SYTL2: variants seen among roughly 807,000 people sequenced by gnomAD.
SYTL2 encodes synaptotagmin like 2, also known as synaptotagmin-like protein 2.
SYTL2 carries 165 observed loss-of-function variants against 198.7 expected under a neutral mutation model. That is an observed-to-expected ratio of 0.83 (90% CI 0.73 to 0.94). SYTL2 has a LOEUF of 0.94. Among genes scored for constraint, SYTL2 ranks in the 40% least tolerant of loss-of-function variants. The pLI, the probability that SYTL2 is intolerant of heterozygous loss-of-function variation, is 0.00. For synonymous variants in SYTL2, 966 were observed against 917.7 expected (o/e 1.05, Z -0.95); for missense variants, 2,835 against 2,582.8 (o/e 1.10, Z -2.12).
chr11:85,697,726 GTTTTCCCT>G (rs1048501892), intron 18 of SYTL2, among the ~76,000 whole-genome samples: 3 of 152,240 alleles, frequency 2.0e-5, no homozygotes, highest in Admixed American at 2.0e-4. Context: ...ACCAACAGAT[GTTTTCCCT>G]AGAACACATT....
chr11:85,745,956 G>A (rs911621547), intron 3 of SYTL2, among the ~76,000 whole-genome samples, 184 bp from the exon 4 acceptor site: 4 of 152,056 alleles, frequency 2.6e-5, no homozygotes, highest in Admixed American at 6.6e-5. Flanking sequence ...AAATTCCCAC[G>A]ACATTAGATT....
rs1411410257 is a variant in SYTL2, at chr11:85,727,407, G to A, written c.1951C>T (p.Gln651Ter). The A allele has an allele frequency of 2.0e-6, 3 of 1,536,256 alleles. No homozygotes were observed. The highest frequency in any genetic ancestry group is 2.6e-6 in the Non-Finnish European group (3 of 1,146,908). ...SQGSKNMDYS[Q>*]DSKSPGKGNG... is the part of the protein sequence containing the mutation. The stretch of plus-strand genomic sequence containing the variant: ...CCTTTTCCTGGGCTTTTTGAATCTT[G>A]GCTATAGTCCATATTTTTACTCCCT... Residue 651 changes from glutamine (Q) to a stop codon, truncating the protein, a stop_gained, in exon 8 of 20, where the codon CAA (glutamine) becomes TAA (stop). Coordinates refer to ENST00000359152, the MANE Select transcript of SYTL2 (RefSeq NM_206927.4). LOFTEE classifies it high-confidence loss of function.
the SYTL2 span, among the ~76,000 whole-genome samples, chr11:85,840,138 AT>A: frequency 1.3e-5 from 2 of 151,858 alleles, no homozygotes; most frequent in African/African-American, 4.8e-5. Flanking sequence ...AGATTATTAG[AT>A]TTTTTTTCCT....
the SYTL2 span, among the ~76,000 whole-genome samples, chr11:85,816,694 G>A: frequency 4.6e-5 from 7 of 152,144 alleles, no homozygotes; most frequent in African/African-American, 1.4e-4. Flanking sequence ...AAGAACGCTT[G>A]AGCACAGGAG....
At chr11:85,854,592 C>G in the SYTL2 span, 1 of 152,204 alleles carries the variant, frequency 6.6e-6, no homozygotes, top group Non-Finnish European at 1.5e-5. Context: ...ACCTGCCATT[C>G]TTATTAAGAG....
intron 14 of SYTL2, among the ~76,000 whole-genome samples, 167 bp downstream of exon 14, chr11:85,709,161 AATG>A (rs1417225044): frequency 6.6e-6 from 1 of 151,976 alleles, no homozygotes; most frequent in African/African-American, 2.4e-5. Flanking sequence ...TTTATAATTT[AATG>A]TTTGACATAT....
the SYTL2 span, chr11:85,852,902 C>G: frequency 2.1e-4 from 61 of 288,780 alleles, no homozygotes; most frequent in African/African-American, 1.4e-3. Context: ...CACCTCTGCC[C>G]GGCCGCGACC....
At chr11:85,847,928 C>G in the SYTL2 span, among the ~76,000 whole-genome samples, 1 of 152,084 alleles carries the variant, frequency 6.6e-6, no homozygotes, top group Admixed American at 6.6e-5. Context: ...TTTTCATCTT[C>G]TTAAAACTAA....
At chr11:85,795,623 T>TGAA (rs1487418981) in intron 1 of SYTL2, among the ~76,000 whole-genome samples, 8 of 152,208 alleles carry the variant, frequency 5.3e-5, no homozygotes, top group African/African-American at 1.9e-4. Flanking sequence ...TTTTCCAGGA[T>TGAA]GAAACTAACA....
the SYTL2 span, among the ~76,000 whole-genome samples, chr11:85,850,825 A>G: frequency 7.3e-5 from 11 of 149,970 alleles, no homozygotes. Flanking sequence ...GCACATATAC[A>G]CCATGGAATA....
chr11:85,789,362 A>ATATATATATATG (rs2092692876), intron 1 of SYTL2, among the ~76,000 whole-genome samples: 1 of 58,208 alleles, frequency 1.7e-5, no homozygotes, highest in African/African-American at 7.4e-5. Context: ...ATATATATAT[A>ATATATATATATG]TATATATATA....
intron 3 of SYTL2, among the ~76,000 whole-genome samples, chr11:85,747,545 CCT>C (rs1386088929): frequency 6.6e-6 from 1 of 152,084 alleles, no homozygotes; most frequent in Admixed American, 6.6e-5. Context: ...TTATTTCCCC[CCT>C]CTTTTGACTT....
intron 6 of SYTL2, 98 bp downstream of exon 6, chr11:85,736,403 T>C (rs2090338993): frequency 3.1e-6 from 2 of 650,974 alleles, no homozygotes; most frequent in Admixed American, 3.5e-5. Context: ...CTTTTCACTT[T>C]CTCTTGGAAG....
the SYTL2 span, among the ~76,000 whole-genome samples, chr11:85,847,764 A>G: frequency 6.6e-6 from 1 of 152,196 alleles, no homozygotes; most frequent in Non-Finnish European, 1.5e-5. Context: ...CCATGAATAT[A>G]TCTATTTTTT....
At chr11:85,712,221 A>G (rs2086425368) in intron 12 of SYTL2, among the ~76,000 whole-genome samples, 1 of 152,212 alleles carries the variant, frequency 6.6e-6, no homozygotes, top group Admixed American at 6.5e-5. Flanking sequence ...AAGCAAAATT[A>G]ATGCTTTACG....
intron 1 of SYTL2, among the ~76,000 whole-genome samples, chr11:85,788,178 C>A (rs2092668304): frequency 6.6e-6 from 1 of 152,154 alleles, no homozygotes. Flanking sequence ...GCATTTTGAA[C>A]CCTAACTATG....
At chr11:85,757,466 G>A (rs535938721) in intron 2 of SYTL2, among the ~76,000 whole-genome samples, 159 bp downstream of exon 2, 2 of 152,160 alleles carry the variant, frequency 1.3e-5, no homozygotes, top group African/African-American at 4.8e-5. Context: ...GCACCAAGAG[G>A]AAAAATGTTT....
intron 4 of SYTL2, among the ~76,000 whole-genome samples, chr11:85,743,475 C>T (rs900591341): frequency 1.3e-5 from 2 of 152,114 alleles, no homozygotes; most frequent in Non-Finnish European, 2.9e-5. Context: ...ATTTTCATGC[C>T]ACCGGAAAAT....
At chr11:85,810,566 T>A (rs2093018690) in intron 1 of SYTL2, among the ~76,000 whole-genome samples, 1 of 152,132 alleles carries the variant, frequency 6.6e-6, no homozygotes, top group African/African-American at 2.4e-5. Flanking sequence ...AAACAGGTGC[T>A]GACGCTCCTA....
Sources: gnomAD v4.1 joint callset for allele counts (sites outside exome capture counted in the v4.1 genomes callset) on GRCh38, gnomAD v4.1.1 for gene constraint, MANE v1.5 for transcripts, NCBI Gene and HGNC (gene_info 2026-07-23, HGNC 2026-07-21) for gene names.